ANO5: variants seen among roughly 807,000 people sequenced by gnomAD.
ANO5 encodes anoctamin 5, also known as anoctamin-5.
ANO5 carries 109 observed loss-of-function variants against 121.0 expected under a neutral mutation model. The observed-to-expected ratio is 0.90, with a 90% CI of 0.77 to 1.06. The LOEUF is 1.06. Ranked by LOEUF, ANO5 falls within the 50% of genes least tolerant of loss-of-function variation. ANO5 has a pLI of 0.00. For synonymous variants in ANO5, 406 were observed against 359.9 expected, an observed-to-expected ratio of 1.13 and a Z score of -1.45; for missense variants, 1,064 against 1,078.5, an observed-to-expected ratio of 0.99 and a Z score of 0.19.
rs1312684961 is a variant in ANO5 at position 22,280,702 on chromosome 11, T to C, written c.*937T>C. On this transcript the variant is annotated 3_prime_UTR_variant, in exon 22 of 22. Transcript: ENST00000324559. The stretch of plus-strand genomic sequence containing the variant: ...TTTTGTATAAGTTAGATACGAGTTG[T>C]TTATGATAAACATTTCTTTGCTTTA... The C allele has an allele frequency of 6.6e-6, 1 of 152,020 alleles. No individual in the cohort carries two copies. The highest frequency in any genetic ancestry group is 2.4e-5 in the African/African-American group (1 of 41,464). The allele number at this position is 152,020 out of a possible 1,614,324, so 9.4% of individuals were successfully genotyped here. A position where few individuals can be genotyped will look rare whatever the true frequency, so the allele number is the denominator to read the frequency against.
chr11:22,192,852 A>C (rs1851689240), upstream of ANO5: 9 of 444,026 alleles, frequency 2.0e-5, no homozygotes, highest in Non-Finnish European at 2.7e-5. Context: ...GGTCCCGAGG[A>C]GGGACGGGAG....
At chr11:22,264,505 A>G (rs1854300040) in intron 17 of ANO5, among the ~76,000 whole-genome samples, 1 of 152,094 alleles carries the variant, frequency 6.6e-6, no homozygotes, top group African/African-American at 2.4e-5. Flanking sequence ...TAACAACAAC[A>G]ACAACAACAA....
intron 3 of ANO5, among the ~76,000 whole-genome samples, chr11:22,212,799 G>A (rs1179046650): frequency 6.7e-6 from 1 of 148,810 alleles, no homozygotes; most frequent in East Asian, 2.0e-4. Context: ...CATATATCTT[G>A]TCCATTTCCT....
rs899273285 is a variant in ANO5, at chr11:22,282,139, C to G, written c.*2374C>G. On this transcript the variant is annotated 3_prime_UTR_variant, in exon 22 of 22. Coordinates refer to ENST00000324559, the MANE Select transcript of ANO5 (RefSeq NM_213599.3). ...ACCACCACATGTAAGTTGATAATTA[C>G]CAGCATGGCAGGTGATTTTATCTGC... is the stretch of plus-strand genomic sequence containing the variant. 1.3e-5 allele frequency: 2 copies of G among 152,074 alleles called. No individual in the cohort carries two copies. The highest frequency in any genetic ancestry group is 2.9e-5 in the Non-Finnish European group (2 of 67,982). 9.4% of individuals were successfully genotyped at this position (152,074 alleles called of 1,614,324 possible).
chr11:22,211,213 C>T (rs767531518), intron 2 of ANO5, 51 bp from the exon 3 acceptor site: 4 of 1,586,300 alleles, frequency 2.5e-6, no homozygotes, highest in Admixed American at 3.3e-5. Flanking sequence ...GCACCCTTTG[C>T]TCCACCTGCA....
chr11:22,243,920 T>C (rs1051231007), intron 9 of ANO5, among the ~76,000 whole-genome samples: 2 of 152,140 alleles, frequency 1.3e-5, no homozygotes, highest in African/African-American at 2.4e-5. Context: ...GTGTTAGTAT[T>C]GATATGTGAG....
At chr11:22,262,356 TTC>T in intron 16 of ANO5, 58 bp downstream of exon 16, 1 of 1,569,416 alleles carries the variant, frequency 6.4e-7, no homozygotes. Context: ...ATTAACAACT[TTC>T]TGTGTGTCAA....
At chr11:22,278,301 C>T (rs536610752) in intron 21 of ANO5, among the ~76,000 whole-genome samples, 2 of 151,756 alleles carry the variant, frequency 1.3e-5, no homozygotes, top group South Asian at 4.1e-4. Flanking sequence ...AACGTACTTA[C>T]CCTTCAAGTT....
intron 9 of ANO5, among the ~76,000 whole-genome samples, chr11:22,241,616 G>A (rs114910246): frequency 8.6e-4 from 130 of 152,036 alleles, no homozygotes; most frequent in Middle Eastern, 3.4e-3. Flanking sequence ...ATCTGATTGC[G>A]GTTTTGATTT....
At chr11:22,248,802 A>G (rs568802487) in intron 9 of ANO5, among the ~76,000 whole-genome samples, 3 of 152,128 alleles carry the variant, frequency 2.0e-5, no homozygotes, top group East Asian at 3.9e-4. Flanking sequence ...GAATACTTAA[A>G]GAATTTTTAA....
chr11:22,249,123 A>T (rs1853716098), intron 9 of ANO5, among the ~76,000 whole-genome samples: 1 of 152,032 alleles, frequency 6.6e-6, no homozygotes, highest in South Asian at 2.1e-4. Context: ...GAAATTAACA[A>T]TGCAACAATG....
At chr11:22,213,946 A>T (rs1254515202) in intron 3 of ANO5, among the ~76,000 whole-genome samples, 1 of 151,362 alleles carries the variant, frequency 6.6e-6, no homozygotes. Flanking sequence ...TCTGTTGCCC[A>T]GGCTGGAGTC....
chr11:22,279,420 TTCC>T (rs1854990147), intron 21 of ANO5, 121 bp from the exon 22 acceptor site: 1 of 774,320 alleles, frequency 1.3e-6, no homozygotes, highest in African/African-American at 1.7e-5. Context: ...CCATATCTTC[TTCC>T]TTGCCTTTCT....
chr11:22,264,769 AT>A (rs1196948816), intron 17 of ANO5, among the ~76,000 whole-genome samples: 1 of 152,170 alleles, frequency 6.6e-6, no homozygotes, highest in Non-Finnish European at 1.5e-5. Flanking sequence ...TAAATATGAA[AT>A]GGAAGCAATT....
At chr11:22,239,718 A>G (rs1181827751) in intron 9 of ANO5, 34 bp downstream of exon 9, 1 of 1,484,672 alleles carries the variant, frequency 6.7e-7, no homozygotes, top group African/African-American at 1.4e-5. Flanking sequence ...ACCAATTAAA[A>G]CTTGATAATG....
At chr11:22,247,443 T>A (rs1399319145) in intron 9 of ANO5, among the ~76,000 whole-genome samples, 2 of 152,192 alleles carry the variant, frequency 1.3e-5, no homozygotes, top group Admixed American at 6.5e-5. Flanking sequence ...GTAAAGGCTG[T>A]TAAAATTGTC....
intron 7 of ANO5, among the ~76,000 whole-genome samples, chr11:22,231,005 A>G (rs1398554923): frequency 6.6e-6 from 1 of 152,018 alleles, no homozygotes; most frequent in African/African-American, 2.4e-5. Context: ...ATAGACATCC[A>G]GAATGATCTT....
At chr11:22,260,184 C>T (rs2133740896) in intron 15 of ANO5, among the ~76,000 whole-genome samples, 1 of 152,236 alleles carries the variant, frequency 6.6e-6, no homozygotes, top group Middle Eastern at 3.4e-3. Context: ...TTCTTTTCTA[C>T]TGCTATCTCT....
At chr11:22,214,845 T>C (rs1852389706) in intron 3 of ANO5, among the ~76,000 whole-genome samples, 1 of 151,980 alleles carries the variant, frequency 6.6e-6, no homozygotes, top group Non-Finnish European at 1.5e-5. Context: ...GGTAAAAAAA[T>C]GGAGTCTTGC....
Sources: allele counts gnomAD v4.1 joint callset (sites outside exome capture counted in the v4.1 genomes callset), GRCh38; gene constraint gnomAD v4.1.1; transcripts MANE v1.5; gene names NCBI Gene and HGNC (gene_info 2026-07-23, HGNC 2026-07-21).